Variants in BORCS5 observed in about 807,000 individuals in gnomAD.
BORCS5 encodes the protein BLOC-1 related complex subunit 5, also known as BLOC-1-related complex subunit 5.
In BORCS5, 17 loss-of-function variants were observed where a neutral mutation model predicts 22.1. The ratio of observed to expected loss-of-function variants is 0.77; its 90% CI spans 0.53 to 1.15. The LOEUF is 1.15. Among genes scored for constraint, BORCS5 ranks in the 50% most tolerant of loss-of-function variants. BORCS5 has a pLI of 0.00. For synonymous variants in BORCS5, 117 were observed against 99.8 expected, an observed-to-expected ratio of 1.17 and a Z score of -1.03; for missense variants, 247 against 253.2, an observed-to-expected ratio of 0.98 and a Z score of 0.17.
chr12:12,463,165 C>T (rs1007645174), intron 3 of BORCS5, among the ~76,000 whole-genome samples: 5 of 152,206 alleles, frequency 3.3e-5, no homozygotes, highest in African/African-American at 9.7e-5. Context: ...CCTACAGTCA[C>T]ATCAAATGTG....
chr12:12,421,315 T>A (rs903331370), intron 2 of BORCS5, among the ~76,000 whole-genome samples: 1 of 152,178 alleles, frequency 6.6e-6, no homozygotes, highest in Non-Finnish European at 1.5e-5. Context: ...AATCATGTGT[T>A]TTTTGTGGTC....
At chr12:12,370,894 G>A (rs1344142091) in intron 2 of BORCS5, among the ~76,000 whole-genome samples, 4 of 151,818 alleles carry the variant, frequency 2.6e-5, no homozygotes, top group Non-Finnish European at 5.9e-5. Context: ...GACTACAGGC[G>A]CCCACCATCA....
At chr12:12,402,043 GCT>G (rs1476239616) in intron 2 of BORCS5, among the ~76,000 whole-genome samples, 2 of 146,970 alleles carry the variant, frequency 1.4e-5, no homozygotes, top group Non-Finnish European at 3.0e-5. Context: ...TTCAGCCTGG[GCT>G]ACAGAGCGAG....
At chr12:12,389,737 G>T (rs573606200) in intron 2 of BORCS5, among the ~76,000 whole-genome samples, 2 of 152,184 alleles carry the variant, frequency 1.3e-5, no homozygotes, top group East Asian at 3.9e-4. Context: ...TCTGCCTTTC[G>T]GGTTCAAGTG....
At chr12:12,378,765 G>A (rs1863712101) in intron 2 of BORCS5, among the ~76,000 whole-genome samples, 2 of 151,216 alleles carry the variant, frequency 1.3e-5, no homozygotes, top group South Asian at 4.2e-4. Flanking sequence ...TTGTATTGCA[G>A]TTACATACTA....
At position 12,468,386 on chromosome 12, in the gene BORCS5, T is replaced by C. The variant is rs1442928388; in HGVS notation, c.*2610T>C. ...TTGTTGGTTAATACCCCATGACCTA[T>C]CTGGCCGTTATGGGATATTTCAGGG... On this transcript the variant is annotated 3_prime_UTR_variant, in exon 4 of 4. Coordinates refer to ENST00000314565, the MANE Select transcript of BORCS5 (RefSeq NM_058169.6). 2 of 152,216 alleles carry C rather than the reference T, an allele frequency of 1.3e-5. No homozygotes were observed. The highest frequency in any genetic ancestry group is 4.8e-5 in the African/African-American group (2 of 41,448). 9.4% of individuals were successfully genotyped at this position (152,216 alleles called of 1,614,324 possible).
chr12:12,458,156 T>C (rs1943032607), intron 3 of BORCS5, among the ~76,000 whole-genome samples: 2 of 152,356 alleles, frequency 1.3e-5, no homozygotes, highest in South Asian at 4.1e-4. Context: ...TTTCCTGATC[T>C]GTAGTCCATC....
At chr12:12,421,524 T>C (rs1229759212) in intron 2 of BORCS5, among the ~76,000 whole-genome samples, 6 of 152,200 alleles carry the variant, frequency 3.9e-5, no homozygotes, top group South Asian at 2.1e-4. Context: ...CTTTTTGTTA[T>C]GTCTCTGCCA....
intron 2 of BORCS5, among the ~76,000 whole-genome samples, chr12:12,395,336 C>G (rs533846105): frequency 1.1e-4 from 17 of 151,692 alleles, no homozygotes; most frequent in Non-Finnish European, 2.1e-4. Context: ...GTGGTGTGAT[C>G]TCTGCCACTG....
chr12:12,457,826 T>TCAG (rs1295073303), intron 3 of BORCS5, among the ~76,000 whole-genome samples: 5 of 152,252 alleles, frequency 3.3e-5, no homozygotes, highest in East Asian at 1.9e-4. Flanking sequence ...TGAGTTCTGT[T>TCAG]CTGCCACTCC....
chr12:12,382,073 G>A (rs1211613761), intron 2 of BORCS5, among the ~76,000 whole-genome samples: 1 of 151,160 alleles, frequency 6.6e-6, no homozygotes, highest in Admixed American at 6.6e-5. Context: ...AATATTAATA[G>A]AGCCATTTGT....
chr12:12,380,463 C>G (rs1295964670), intron 2 of BORCS5, among the ~76,000 whole-genome samples: 1 of 151,418 alleles, frequency 6.6e-6, no homozygotes, highest in African/African-American at 2.4e-5. Context: ...AGTCTCCAGT[C>G]CTAGGCAACC....
chr12:12,456,068 C>T (rs918808922), intron 3 of BORCS5, among the ~76,000 whole-genome samples: 1 of 152,170 alleles, frequency 6.6e-6, no homozygotes, highest in Admixed American at 6.5e-5. Flanking sequence ...CACATCTTTT[C>T]TAACTTAAAA....
chr12:12,415,404 G>T (rs559927660), intron 2 of BORCS5, among the ~76,000 whole-genome samples: 1 of 151,540 alleles, frequency 6.6e-6, no homozygotes, highest in Non-Finnish European at 1.5e-5. Context: ...ACGAAAACCA[G>T]TCAGGCGTGG....
chr12:12,416,840 G>A (rs1456590130), intron 2 of BORCS5, among the ~76,000 whole-genome samples: 4 of 143,128 alleles, frequency 2.8e-5, no homozygotes, highest in African/African-American at 5.2e-5. Context: ...GGAGTGCAGT[G>A]GCACAGTCTC....
chr12:12,412,308 G>T (rs917968406), intron 2 of BORCS5, among the ~76,000 whole-genome samples: 12 of 151,720 alleles, frequency 7.9e-5, no homozygotes, highest in Admixed American at 2.0e-4. Flanking sequence ...GTATTTTATG[G>T]TTTTTTTTAT....
chr12:12,402,053 G>C (rs1396772529), intron 2 of BORCS5, among the ~76,000 whole-genome samples: 5 of 140,904 alleles, frequency 3.5e-5, no homozygotes, highest in Non-Finnish European at 7.5e-5. Context: ...GCTACAGAGC[G>C]AGACTCCGTC....
intron 2 of BORCS5, among the ~76,000 whole-genome samples, chr12:12,409,102 G>GT (rs1941657675): frequency 7.1e-6 from 1 of 140,704 alleles, no homozygotes; most frequent in African/African-American, 2.6e-5. Context: ...ATTTTTTTTT[G>GT]TTTGTTTTTG....
chr12:12,444,760 T>TA (rs905437570), intron 3 of BORCS5, among the ~76,000 whole-genome samples: 18 of 151,536 alleles, frequency 1.2e-4, no homozygotes, highest in Middle Eastern at 3.4e-3. Flanking sequence ...AACAATAAGT[T>TA]AAAAAAAAAT....
Sources: gnomAD v4.1 joint callset for allele counts (sites outside exome capture counted in the v4.1 genomes callset) on GRCh38, gnomAD v4.1.1 for gene constraint, MANE v1.5 for transcripts, NCBI Gene and HGNC (gene_info 2026-07-23, HGNC 2026-07-21) for gene names.